Variants in NEBL observed in about 807,000 individuals in gnomAD.
NEBL encodes the protein LIM and SH3 protein 2.
Under a neutral mutation model 140.2 loss-of-function variants are expected in NEBL, and 122 were observed. The observed-to-expected ratio is 0.87, with a 90% CI of 0.75 to 1.01. NEBL has a LOEUF of 1.01. NEBL is among the 50% of genes least tolerant of loss of function. The pLI is 0.00. For missense variants in NEBL, 1,365 were observed against 1,231.3 expected (o/e 1.11, Z -1.62); for synonymous variants, 436 against 398.9 (o/e 1.09, Z -1.11).
At chr10:21,181,637 T>G (rs925452499) in intron 3 of NEBL, among the ~76,000 whole-genome samples, 1 of 152,228 alleles carries the variant, frequency 6.6e-6, no homozygotes, top group Non-Finnish European at 1.5e-5. Flanking sequence ...CCGGGTGAGC[T>G]TCTTGCGACA....
intron 13 of NEBL, among the ~76,000 whole-genome samples, chr10:20,839,454 C>T (rs544177534): frequency 1.8e-4 from 28 of 152,210 alleles, no homozygotes; most frequent in African/African-American, 6.7e-4. Flanking sequence ...GCAAAAAGCT[C>T]CATGATTTCC....
chr10:20,838,132 T>C (rs561114268), intron 13 of NEBL, among the ~76,000 whole-genome samples: 38 of 152,328 alleles, frequency 2.5e-4, no homozygotes, highest in Admixed American at 2.2e-3. Context: ...CATAGGGCTA[T>C]ACCTGTCATA....
At chr10:20,888,018 T>A in intron 4 of NEBL, 79 bp downstream of exon 4, 1 of 1,038,016 alleles carries the variant, frequency 9.6e-7, no homozygotes, top group Non-Finnish European at 1.5e-6. Flanking sequence ...ATGAAAACGT[T>A]TTATTAAAAC....
At chr10:21,029,071 T>C in intron 2 of NEBL, 1 of 1,081,652 alleles carries the variant, frequency 9.2e-7, no homozygotes, top group Admixed American at 1.7e-5. Context: ...AGCTGAGGAC[T>C]GGGGGACTGG....
intron 2 of NEBL, among the ~76,000 whole-genome samples, chr10:21,125,053 A>G (rs1310036568): frequency 6.6e-6 from 1 of 152,238 alleles, no homozygotes; most frequent in East Asian, 1.9e-4. Context: ...GCACAAACAC[A>G]GATCATGAAG....
At chr10:21,022,965 T>A (rs1250934032) in intron 2 of NEBL, among the ~76,000 whole-genome samples, 1 of 152,226 alleles carries the variant, frequency 6.6e-6, no homozygotes, top group Non-Finnish European at 1.5e-5. Context: ...TTGGCCACAC[T>A]CTTCCAGGGG....
At chr10:20,986,366 T>C (rs1292328657) in intron 3 of NEBL, among the ~76,000 whole-genome samples, 1 of 152,110 alleles carries the variant, frequency 6.6e-6, no homozygotes, top group Admixed American at 6.5e-5. Context: ...CTAAGCAAAA[T>C]AATTAAGCCA....
intron 4 of NEBL, among the ~76,000 whole-genome samples, chr10:20,939,973 C>A (rs927068299): frequency 2.6e-5 from 4 of 151,376 alleles, no homozygotes; most frequent in Non-Finnish European, 5.9e-5. Flanking sequence ...TAGACTCCCA[C>A]ACAATAATAA....
At chr10:21,197,977 G>T (rs1285085192) in intron 3 of NEBL, among the ~76,000 whole-genome samples, 1 of 151,146 alleles carries the variant, frequency 6.6e-6, no homozygotes, top group Non-Finnish European at 1.5e-5. Context: ...GGATTTGAGG[G>T]TCTCCTCCTA....
Position 20,989,836 on chromosome 10 carries a change from G to T in NEBL, c.250-28057C>A, listed in dbSNP as rs541239786. Among the ~76,000 whole-genome samples the T allele has an allele frequency of 4.6e-5, 7 of 152,306 alleles. 1 individual carries two copies. The South Asian group carries it at 1.4e-3, about 32-fold the overall frequency. On this transcript the variant is annotated intron_variant, in intron 3 of 6. Coordinates refer to the NEBL transcript ENST00000417816. ...CCCTGACGTCTGCAGAGGTTGGGGG[G>T]TGGGCTGTGGATAAAATTCAAAGAG... is the stretch of plus-strand genomic sequence containing the variant.
Position 21,028,054 on chromosome 10 carries a change from C to G in NEBL, c.165-7853G>C, listed in dbSNP as rs566159614. 2.2e-3 allele frequency among the ~76,000 whole-genome samples: 340 copies of G among 151,666 alleles called. 2 individuals carry two copies. Among genetic ancestry groups the G allele is most frequent in the Admixed American group, 4.9e-3 (74 of 15,194 alleles). Reference sequence around the variant, plus strand: ...GCAGCCTGGCCAATGTGGTGAAACCCTGTCTCTACTAAAAATACAAAAATT... The same window carrying G: ...GCAGCCTGGCCAATGTGGTGAAACCGTGTCTCTACTAAAAATACAAAAATT... On this transcript the variant is annotated intron_variant, in intron 2 of 6. Transcript: ENST00000417816.
intron 9 of NEBL, 73 bp downstream of exon 9, chr10:20,858,167 C>CT: frequency 8.5e-7 from 1 of 1,182,722 alleles, no homozygotes; most frequent in Non-Finnish European, 1.3e-6. Flanking sequence ...CAGGTGAGCA[C>CT]ATGAACGCTG....
At chr10:20,993,167 C>A (rs1258155070) in intron 3 of NEBL, among the ~76,000 whole-genome samples, 1 of 151,480 alleles carries the variant, frequency 6.6e-6, no homozygotes, top group East Asian at 1.9e-4. Context: ...ATGTAAAATC[C>A]CAAAGAAAAA....
At chr10:20,813,416 T>C (rs1838367227) in intron 23 of NEBL, among the ~76,000 whole-genome samples, 2 of 152,072 alleles carry the variant, frequency 1.3e-5, no homozygotes, top group African/African-American at 4.8e-5. Context: ...TTACAAAAAC[T>C]TATACTTCAA....
chr10:21,167,492 T>G (rs1174735628), intron 2 of NEBL, among the ~76,000 whole-genome samples: 1 of 152,232 alleles, frequency 6.6e-6, no homozygotes, highest in African/African-American at 2.4e-5. Flanking sequence ...GCGTCGTTCC[T>G]TGGTGGCACC....
At chr10:20,868,207 AC>A (rs1163118739) in intron 7 of NEBL, 2 of 155,454 alleles carry the variant, frequency 1.3e-5, no homozygotes, top group Non-Finnish European at 2.8e-5. Context: ...CTTTGATAAG[AC>A]TTCAAAGTTT....
At chr10:20,896,132 A>T (rs1847450863) in intron 2 of NEBL, among the ~76,000 whole-genome samples, 1 of 152,036 alleles carries the variant, frequency 6.6e-6, no homozygotes, top group Admixed American at 6.5e-5. Context: ...TATTGTGCTC[A>T]TCTCTCTAAA....
At position 20,973,652 on chromosome 10, in the gene NEBL, T is replaced by C. The variant is rs188531492; in HGVS notation, c.250-11873A>G. ...GGTCCTGAGCCTCTTTCTCTTCACG[T>C]AGACTTTGTCAAGAGGTGCCATTTT... On this transcript the variant is annotated intron_variant, in intron 3 of 6. Coordinates refer to the NEBL transcript ENST00000417816. Among the ~76,000 whole-genome samples the C allele has an allele frequency of 1.9e-3, 296 of 152,336 alleles. 1 individual carries two copies. The highest frequency in any genetic ancestry group is 6.6e-3 in the African/African-American group (275 of 41,582).
intron 3 of NEBL, among the ~76,000 whole-genome samples, chr10:20,970,559 G>A (rs1183436730): frequency 6.6e-6 from 1 of 152,028 alleles, no homozygotes; most frequent in Non-Finnish European, 1.5e-5. Flanking sequence ...TGAGGTGTGA[G>A]GATTGCTTGA....
Sources: gnomAD v4.1 joint callset for allele counts (sites outside exome capture counted in the v4.1 genomes callset) on GRCh38, gnomAD v4.1.1 for gene constraint, MANE v1.5 for transcripts, NCBI Gene and HGNC (gene_info 2026-07-23, HGNC 2026-07-21) for gene names.